Variants in PCDHA11 observed in about 807,000 individuals in gnomAD.
The protein encoded by PCDHA11 is protocadherin alpha 11, also known as protocadherin alpha-11.
Under a neutral mutation model 70.3 loss-of-function variants are expected in PCDHA11, and 61 were observed. The observed-to-expected ratio is 0.87, with a 90% CI of 0.71 to 1.07. PCDHA11 has a LOEUF of 1.07. PCDHA11 is among the 50% of genes least tolerant of loss of function. The pLI, the probability that PCDHA11 is intolerant of heterozygous loss-of-function variation, is 0.00. For synonymous variants in PCDHA11, 633 were observed against 555.1 expected (o/e 1.14, Z -1.97); for missense variants, 1,324 against 1,237.5 (o/e 1.07, Z -1.05).
chr5:141,000,405 A>C lies in PCDHA11; in HGVS notation c.2540-9222A>C, dbSNP rs1290838400. Among the ~76,000 whole-genome samples the C allele has an allele frequency of 7.9e-5, 7 of 88,832 alleles. No individual in the cohort carries two copies. In the East Asian group the frequency reaches 9.8e-4, roughly 12 times the overall value. The allele number at this position is 88,832 out of a possible 152,430, so 58.3% of individuals were successfully genotyped here. On this transcript the variant is annotated intron_variant, in intron 3 of 3. Transcript: ENST00000398640. ...TCTCTCTCTCTCTCTCTATATATAT[A>C]TATATATATATATATATTTTTTTTT...
chr5:140,959,061 A>G (rs1434123552), intron 1 of PCDHA11, among the ~76,000 whole-genome samples: 2 of 152,126 alleles, frequency 1.3e-5, no homozygotes, highest in Non-Finnish European at 2.9e-5. Flanking sequence ...AATGCAGTAT[A>G]TATAGAATTC....
intron 2 of PCDHA11, among the ~76,000 whole-genome samples, chr5:140,980,141 T>C (rs1241352797): frequency 1.3e-5 from 2 of 152,164 alleles, no homozygotes; most frequent in Non-Finnish European, 2.9e-5. Context: ...CCAGAAACAT[T>C]CATGCATATA....
chr5:140,928,132 C>T (rs1563101702), intron 1 of PCDHA11: 1 of 1,614,100 alleles, frequency 6.2e-7, no homozygotes, highest in Non-Finnish European at 8.5e-7. Flanking sequence ...ATACCAAGTC[C>T]TGATCACGGC....
At chr5:140,878,174 T>C (rs1554170323) in intron 1 of PCDHA11, 2 of 167,818 alleles carry the variant, frequency 1.2e-5, no homozygotes, top group African/African-American at 2.4e-5. Flanking sequence ...TGTTCATAAT[T>C]TCAAGATTAC....
Position 140,915,075 on chromosome 5 carries a change from A to T in PCDHA11, c.2391+43581A>T, listed in dbSNP as rs111889109. ...ATTCTCCTGCCTTAGCCTACTGAGTAGCTGGGACTATGGGCACGCACCACC... is the reference window on the plus strand; with the variant it reads ...ATTCTCCTGCCTTAGCCTACTGAGTTGCTGGGACTATGGGCACGCACCACC... On this transcript the variant is annotated intron_variant, in intron 1 of 3. Transcript: ENST00000398640. 7.1e-3 allele frequency among the ~76,000 whole-genome samples: 1,070 copies of T among 151,432 alleles called. 10 individuals are homozygous for T. The highest frequency in any genetic ancestry group is 0.025 in the African/African-American group (1,035 of 41,220).
intron 1 of PCDHA11, chr5:140,967,902 C>T: frequency 6.2e-7 from 1 of 1,614,192 alleles, no homozygotes; most frequent in East Asian, 2.2e-5. Flanking sequence ...GAGAATGCTA[C>T]ACCCAACACC....
At chr5:140,917,337 G>GA (rs1240219857) in intron 1 of PCDHA11, among the ~76,000 whole-genome samples, 3 of 142,560 alleles carry the variant, frequency 2.1e-5, no homozygotes, top group Non-Finnish European at 4.7e-5. Context: ...GGGAGGGGGG[G>GA]GATGGTGTAG....
intron 1 of PCDHA11, chr5:140,927,592 G>T: frequency 6.2e-7 from 1 of 1,614,170 alleles, no homozygotes; most frequent in Admixed American, 1.7e-5. Context: ...GCCTGTATTT[G>T]AGCGCTCCGT....
At chr5:140,937,332 C>A (rs1003482242) in intron 1 of PCDHA11, among the ~76,000 whole-genome samples, 1 of 152,094 alleles carries the variant, frequency 6.6e-6, no homozygotes, top group Non-Finnish European at 1.5e-5. Flanking sequence ...CCACCGCGCC[C>A]GGCTTCTTCC....
chr5:140,906,271 T>A (rs2072508162), intron 1 of PCDHA11, among the ~76,000 whole-genome samples: 1 of 152,180 alleles, frequency 6.6e-6, no homozygotes, highest in African/African-American at 2.4e-5. Flanking sequence ...AAATTATAGA[T>A]AATCTTCAAA....
intron 1 of PCDHA11, chr5:140,875,379 G>A: frequency 1.4e-6 from 2 of 1,459,474 alleles, no homozygotes; most frequent in Non-Finnish European, 1.8e-6. Flanking sequence ...TACTAAATAT[G>A]TACTTACAGA....
At chr5:140,884,812 G>C in intron 1 of PCDHA11, 2 of 1,117,104 alleles carry the variant, frequency 1.8e-6, no homozygotes, top group Non-Finnish European at 2.5e-6. Flanking sequence ...ACTCTGCTGT[G>C]GACATTATGT....
At chr5:141,007,804 A>G (rs966389410) in intron 3 of PCDHA11, among the ~76,000 whole-genome samples, 1 of 152,204 alleles carries the variant, frequency 6.6e-6, no homozygotes, top group Non-Finnish European at 1.5e-5. Context: ...TTTATCTGCC[A>G]TTCATTTGCC....
chr5:140,966,052 C>G (rs2095962967), intron 1 of PCDHA11, among the ~76,000 whole-genome samples: 1 of 152,158 alleles, frequency 6.6e-6, no homozygotes, highest in Admixed American at 6.5e-5. Context: ...GCCAGTAACC[C>G]CAGAGCGCCT....
chr5:140,919,709 G>T (rs782509447), intron 1 of PCDHA11, among the ~76,000 whole-genome samples: 5 of 152,076 alleles, frequency 3.3e-5, no homozygotes, highest in Non-Finnish European at 7.4e-5. Context: ...CTTAATTCTA[G>T]TGAGATATAA....
At chr5:140,903,725 T>C (rs2070536820) in intron 1 of PCDHA11, among the ~76,000 whole-genome samples, 1 of 152,256 alleles carries the variant, frequency 6.6e-6, no homozygotes. Context: ...TTCTCCCTAT[T>C]ATCAATTATT....
intron 1 of PCDHA11, among the ~76,000 whole-genome samples, chr5:140,873,284 T>C (rs1554166661): frequency 1.3e-5 from 2 of 152,208 alleles, no homozygotes; most frequent in Non-Finnish European, 2.9e-5. Context: ...ATACCACTTA[T>C]GAAACTTTAT....
chr5:140,946,091 A>G (rs1554217315), intron 1 of PCDHA11, among the ~76,000 whole-genome samples: 1 of 152,040 alleles, frequency 6.6e-6, no homozygotes, highest in Non-Finnish European at 1.5e-5. Flanking sequence ...TCTGATAAGG[A>G]GTTAACATAC....
intron 3 of PCDHA11, among the ~76,000 whole-genome samples, chr5:140,998,062 C>A (rs2097795439): frequency 6.6e-6 from 1 of 152,176 alleles, no homozygotes; most frequent in Non-Finnish European, 1.5e-5. Flanking sequence ...TCATCATCAA[C>A]AGACTTAGCC....
Sources: gnomAD v4.1 joint callset for allele counts (sites outside exome capture counted in the v4.1 genomes callset) on GRCh38, gnomAD v4.1.1 for gene constraint, MANE v1.5 for transcripts, NCBI Gene and HGNC (gene_info 2026-07-23, HGNC 2026-07-21) for gene names.